The following HCN1 variants were observed in gnomAD, a reference collection of about 807,000 sequenced individuals.
HCN1 encodes potassium/sodium hyperpolarization-activated cyclic nucleotide-gated channel 1.
HCN1 carries 13 observed loss-of-function variants against 78.9 expected under a neutral mutation model. The ratio of observed to expected loss-of-function variants is 0.16; its 90% CI spans 0.11 to 0.26. The LOEUF (loss-of-function observed/expected upper bound fraction) is 0.26. HCN1 is among the 10% of genes least tolerant of loss of function. The probability of loss-of-function intolerance (pLI) is 1.00; values close to 1 mark genes in which losing one functional copy is unlikely to be tolerated. For synonymous variants in HCN1, 552 were observed against 455.5 expected (o/e 1.21, Z -2.70); for missense variants, 810 against 1,154.3 (o/e 0.70, Z 4.32).
rs1255259959 is a variant in HCN1, at chr5:45,255,295, G to GA, written c.*6625dup. On this transcript the variant is annotated 3_prime_UTR_variant, in exon 8 of 8. Transcript: ENST00000303230. ...TCTAGCCAAGATCCCATGCTATGTT[G>GA]ACTTGTCATCTCCAGAAATGTCTTC... 1 of 152,108 alleles carries GA rather than the reference G, an allele frequency of 6.6e-6. No homozygotes were observed. 9.4% of individuals were successfully genotyped at this position (152,108 alleles called of 1,614,324 possible).
At chr5:45,368,876 A>C (rs1039596109) in intron 4 of HCN1, among the ~76,000 whole-genome samples, 7 of 152,060 alleles carry the variant, frequency 4.6e-5, no homozygotes, top group Non-Finnish European at 8.8e-5. Context: ...TTTATATAAA[A>C]TAACATCCAT....
At chr5:45,473,578 CT>C (rs932013350) in intron 2 of HCN1, among the ~76,000 whole-genome samples, 11 of 150,380 alleles carry the variant, frequency 7.3e-5, no homozygotes, top group South Asian at 2.1e-4. Flanking sequence ...TATTTTTTTT[CT>C]TTTTTTTTCT....
At chr5:45,546,365 T>A (rs867004122) in intron 2 of HCN1, among the ~76,000 whole-genome samples, 5 of 152,056 alleles carry the variant, frequency 3.3e-5, no homozygotes, top group Middle Eastern at 3.4e-3. Context: ...AAAATTTGCC[T>A]TGATGTTTAA....
At chr5:45,461,789 A>C in intron 3 of HCN1, 57 bp downstream of exon 3, 2 of 1,422,950 alleles carry the variant, frequency 1.4e-6, no homozygotes, top group East Asian at 4.6e-5. Context: ...ATAATTACTT[A>C]AAAGGTTTTG....
At chr5:45,500,990 C>G (rs1489999748) in intron 2 of HCN1, among the ~76,000 whole-genome samples, 1 of 152,090 alleles carries the variant, frequency 6.6e-6, no homozygotes, top group Non-Finnish European at 1.5e-5. Flanking sequence ...CATTCTTTAT[C>G]CTAGGAGTTA....
intron 4 of HCN1, among the ~76,000 whole-genome samples, chr5:45,356,377 A>G (rs1195670576): frequency 2.6e-5 from 4 of 151,922 alleles, no homozygotes; most frequent in Non-Finnish European, 5.9e-5. Context: ...GTATAATTAT[A>G]AAAATTTATA....
At chr5:45,522,213 AG>A (rs1742628367) in intron 2 of HCN1, among the ~76,000 whole-genome samples, 1 of 152,046 alleles carries the variant, frequency 6.6e-6, no homozygotes, top group South Asian at 2.1e-4. Context: ...TCATGTATCC[AG>A]AATTACTTTT....
intron 2 of HCN1, among the ~76,000 whole-genome samples, chr5:45,629,584 A>C (rs1290091929): frequency 2.0e-5 from 3 of 152,126 alleles, no homozygotes; most frequent in African/African-American, 7.2e-5. Context: ...GAATTCTTTA[A>C]AAAACAAAGT....
intron 1 of HCN1, among the ~76,000 whole-genome samples, chr5:45,671,784 GGTTCT>G (rs1405069748): frequency 6.6e-6 from 1 of 151,544 alleles, no homozygotes; most frequent in African/African-American, 2.4e-5. Context: ...AGTCTGACAT[GGTTCT>G]GTTCTAAGTT....
At chr5:45,373,822 T>C (rs1747502193) in intron 4 of HCN1, among the ~76,000 whole-genome samples, 2 of 129,012 alleles carry the variant, frequency 1.6e-5, no homozygotes, top group South Asian at 4.7e-4. Flanking sequence ...ACATACGGTA[T>C]ATACGTCATC....
chr5:45,435,601 C>T (rs1740546998), intron 3 of HCN1, among the ~76,000 whole-genome samples: 1 of 152,106 alleles, frequency 6.6e-6, no homozygotes. Context: ...TCACAGAGAT[C>T]TGCTAGATTT....
In HCN1 at chr5:45,371,724, T is replaced by G. The variant is rs563803076; in HGVS notation, c.1231-18478A>C. ...GTGAGCCAAGATAGCACCATTTCAC[T>G]CCAGCCTGGGTGACAGTGAGAGACT... On this transcript the variant is annotated intron_variant, in intron 4 of 7. Transcript: ENST00000303230. Among the ~76,000 whole-genome samples the G allele has an allele frequency of 7.5e-5, 11 of 145,980 alleles. No homozygotes were observed. The South Asian group carries it at 2.4e-3, about 31-fold the overall frequency.
chr5:45,376,243 T>TATATATATATAGAATA (rs1747659949), intron 4 of HCN1, among the ~76,000 whole-genome samples: 4 of 1,880 alleles, frequency 2.1e-3, no homozygotes. Context: ...ATTCTATATA[T>TATATATATATAGAATA]TCTATATAGA....
At position 45,548,719 on chromosome 5, in the gene HCN1, G is replaced by C. The variant is rs547054712; in HGVS notation, c.850-86712C>G. On this transcript the variant is annotated intron_variant, in intron 2 of 7. Coordinates refer to ENST00000303230, the MANE Select transcript of HCN1 (RefSeq NM_021072.4). ...GGAAGTCAAATTGTCCCTGTTTGCA[G>C]ATGCCATGATTGTGTACATAGAAAA... 1.2e-3 allele frequency among the ~76,000 whole-genome samples: 184 copies of C among 152,262 alleles called. 1 individual carries two copies. Among genetic ancestry groups the C allele is most frequent in the African/African-American group, 4.3e-3 (179 of 41,560 alleles).
At chr5:45,529,230 A>G (rs1312906394) in intron 2 of HCN1, among the ~76,000 whole-genome samples, 2 of 151,340 alleles carry the variant, frequency 1.3e-5, no homozygotes, top group Non-Finnish European at 3.0e-5. Flanking sequence ...ACTACACACT[A>G]ACTAAAAATA....
In HCN1 at chr5:45,261,812, T is replaced by C. The variant is rs1274639675; in HGVS notation, c.*109A>G. 7.3e-7 allele frequency: 1 copy of C among 1,375,236 alleles called. No homozygotes were observed. The allele number at this position is 1,375,236 out of a possible 1,614,324, so 85.2% of individuals were successfully genotyped here. A position where few individuals can be genotyped will look rare whatever the true frequency, so the allele number is the denominator to read the frequency against. On this transcript the variant is annotated 3_prime_UTR_variant, in exon 8 of 8. Transcript: ENST00000303230. ...GTGTAGGCCACAGCTGTCTAAAATA[T>C]CTCTTCATAGTAGGCTAGAGGGATC...
chr5:45,257,429 T>G lies in HCN1; in HGVS notation c.*4492A>C, dbSNP rs1373412656. On this transcript the variant is annotated 3_prime_UTR_variant, in exon 8 of 8. Coordinates refer to ENST00000303230, the MANE Select transcript of HCN1 (RefSeq NM_021072.4). The stretch of plus-strand genomic sequence containing the variant: ...ATTTCCCCAGCATTTAATGTATTAC[T>G]CATTCTCTCCACATCAAGGACCTTG... 6.6e-6 allele frequency: 1 copy of G among 152,192 alleles called. No individual in the cohort carries two copies. Among genetic ancestry groups the G allele is most frequent in the East Asian group, 1.9e-4 (1 of 5,178 alleles). 9.4% of individuals were successfully genotyped at this position (152,192 alleles called of 1,614,324 possible).
chr5:45,467,778 T>C (rs535420774), intron 2 of HCN1, among the ~76,000 whole-genome samples: 1 of 152,258 alleles, frequency 6.6e-6, no homozygotes, highest in Admixed American at 6.6e-5. Flanking sequence ...TCCCTCAACT[T>C]TGGGGGCTAG....
intron 5 of HCN1, among the ~76,000 whole-genome samples, chr5:45,308,653 T>A (rs919348692): frequency 6.6e-6 from 1 of 152,132 alleles, no homozygotes; most frequent in African/African-American, 2.4e-5. Flanking sequence ...ATTTCAGATA[T>A]ATGTTTCTAT....
Sources: gnomAD v4.1 joint callset for allele counts (sites outside exome capture counted in the v4.1 genomes callset) on GRCh38, gnomAD v4.1.1 for gene constraint, MANE v1.5 for transcripts, NCBI Gene and HGNC (gene_info 2026-07-23, HGNC 2026-07-21) for gene names.